The following VPS13B variants were observed in gnomAD, a reference collection of about 807,000 sequenced individuals.
VPS13B encodes intermembrane lipid transfer protein VPS13B.
In VPS13B, 285 loss-of-function variants were observed where a neutral mutation model predicts 426.4. That is an observed-to-expected ratio of 0.67 (90% CI 0.61 to 0.74). The LOEUF (loss-of-function observed/expected upper bound fraction) is 0.74, where lower values mean the gene tolerates loss of function less well. Among genes scored for constraint, VPS13B ranks in the 30% least tolerant of loss-of-function variants. The probability of loss-of-function intolerance (pLI) is 0.00; values close to 1 mark genes in which losing one functional copy is unlikely to be tolerated. For missense variants in VPS13B, 4,537 were observed against 4,782.6 expected (o/e 0.95, Z 1.51); for synonymous variants, 1,676 against 1,676.4 (o/e 1.00, Z 0.01).
chr8:99,660,467 A>T (rs1830179549), intron 34 of VPS13B, among the ~76,000 whole-genome samples: 1 of 152,136 alleles, frequency 6.6e-6, no homozygotes, highest in Admixed American at 6.5e-5. Flanking sequence ...ATCCCTATAA[A>T]ACTGACATTC....
intron 19 of VPS13B, chr8:99,347,162 A>T: frequency 6.6e-6 from 1 of 152,616 alleles, no homozygotes; most frequent in Non-Finnish European, 1.5e-5. Context: ...ACTTGAGCCC[A>T]TGAGCTAGCA....
At chr8:99,838,428 T>C (rs755211871) in intron 54 of VPS13B, among the ~76,000 whole-genome samples, 8 of 152,220 alleles carry the variant, frequency 5.3e-5, no homozygotes, top group Non-Finnish European at 1.0e-4. Flanking sequence ...GAAACCACTT[T>C]TGTCAGAATT....
At chr8:99,180,548 G>A (rs2132692909) in intron 16 of VPS13B, among the ~76,000 whole-genome samples, 1 of 152,252 alleles carries the variant, frequency 6.6e-6, no homozygotes, top group South Asian at 2.1e-4. Context: ...ATGTTTTGGG[G>A]AGTTTATTTG....
chr8:99,219,274 G>T (rs947151062), intron 17 of VPS13B, among the ~76,000 whole-genome samples: 2 of 152,188 alleles, frequency 1.3e-5, no homozygotes, highest in Non-Finnish European at 2.9e-5. Flanking sequence ...CCACTGAATA[G>T]CTGGAGCTAA....
chr8:99,246,450 T>C (rs1264058166), intron 17 of VPS13B, among the ~76,000 whole-genome samples: 2 of 152,206 alleles, frequency 1.3e-5, no homozygotes, highest in African/African-American at 4.8e-5. Flanking sequence ...ATTTGGCTGG[T>C]TAGTTATTAT....
chr8:99,041,878 A>G (rs1364038540), intron 3 of VPS13B, among the ~76,000 whole-genome samples: 3 of 151,858 alleles, frequency 2.0e-5, no homozygotes, highest in Non-Finnish European at 4.4e-5. Context: ...AACTTCTTCA[A>G]CCTAAAGAGA....
intron 35 of VPS13B, among the ~76,000 whole-genome samples, chr8:99,662,309 GTATAGTCTTAGC>G (rs1830261619): frequency 6.6e-6 from 1 of 151,452 alleles, no homozygotes; most frequent in African/African-American, 2.4e-5. Flanking sequence ...CCTCACTTCC[GTATAGTCTTAGC>G]TATTTATTTA....
chr8:99,512,530 T>A (rs537891793), intron 29 of VPS13B, among the ~76,000 whole-genome samples: 1 of 152,324 alleles, frequency 6.6e-6, no homozygotes, highest in East Asian at 1.9e-4. Flanking sequence ...GTTTCAGTTA[T>A]AATAACATTT....
intron 17 of VPS13B, among the ~76,000 whole-genome samples, chr8:99,193,768 T>A (rs1813738599): frequency 6.6e-6 from 1 of 152,198 alleles, no homozygotes; most frequent in African/African-American, 2.4e-5. Context: ...AAGGTTTTAA[T>A]TTCAGACCTG....
At chr8:99,647,728 G>A (rs1829647334) in intron 34 of VPS13B, among the ~76,000 whole-genome samples, 1 of 151,902 alleles carries the variant, frequency 6.6e-6, no homozygotes, top group Non-Finnish European at 1.5e-5. Context: ...TTCAGGCACA[G>A]GGGACCTACA....
chr8:99,486,138 A>G (rs1487551705), intron 25 of VPS13B, among the ~76,000 whole-genome samples: 1 of 152,018 alleles, frequency 6.6e-6, no homozygotes, highest in Non-Finnish European at 1.5e-5. Flanking sequence ...AACCTTGGGC[A>G]GTTTTTAGGT....
intron 30 of VPS13B, among the ~76,000 whole-genome samples, chr8:99,533,454 T>A (rs535163692): frequency 3.9e-5 from 6 of 152,306 alleles, no homozygotes; most frequent in African/African-American, 1.4e-4. Flanking sequence ...CTTGACTAAT[T>A]TTTAAATGGT....
At chr8:99,336,958 T>C (rs1452126626) in intron 19 of VPS13B, among the ~76,000 whole-genome samples, 26 of 150,014 alleles carry the variant, frequency 1.7e-4, no homozygotes, top group Admixed American at 3.3e-4. Context: ...AGTGTGGCGA[T>C]TCCTCAGGGA....
chr8:99,210,751 G>A (rs1418379253), intron 17 of VPS13B, among the ~76,000 whole-genome samples: 12 of 151,936 alleles, frequency 7.9e-5, no homozygotes, highest in African/African-American at 2.9e-4. Context: ...GACCACAAGT[G>A]CCCACCAGCA....
intron 34 of VPS13B, 48 bp from the exon 35 acceptor site, chr8:99,661,306 A>G: frequency 6.8e-6 from 11 of 1,607,554 alleles, no homozygotes; most frequent in Non-Finnish European, 8.5e-6. Context: ...TCAAAATGAG[A>G]TATTTGTGAT....
At chr8:99,344,972 A>ATTTTCAAGT (rs1811458805) in intron 19 of VPS13B, among the ~76,000 whole-genome samples, 2 of 152,178 alleles carry the variant, frequency 1.3e-5, no homozygotes, top group Non-Finnish European at 2.9e-5. Flanking sequence ...TTTAAAAAAT[A>ATTTTCAAGT]TTTTCAAGTT....
At chr8:99,089,481 T>A (rs1846027949) in intron 3 of VPS13B, among the ~76,000 whole-genome samples, 1 of 152,134 alleles carries the variant, frequency 6.6e-6, no homozygotes, top group Admixed American at 6.5e-5. Context: ...CATCAATCAA[T>A]ATATATCAAA....
At chr8:99,491,795 G>A (rs192939215) in intron 25 of VPS13B, among the ~76,000 whole-genome samples, 15 of 152,196 alleles carry the variant, frequency 9.9e-5, no homozygotes, top group African/African-American at 3.1e-4. Flanking sequence ...GCTTCCTTGC[G>A]ATGGGTTCGA....
intron 61 of VPS13B, 62 bp from the exon 62 acceptor site, chr8:99,875,356 A>G: frequency 8.1e-6 from 13 of 1,611,254 alleles, no homozygotes; most frequent in Non-Finnish European, 6.8e-6. Flanking sequence ...CAAAAGAACT[A>G]ATTTTGTTCT....
Sources: allele counts gnomAD v4.1 joint callset (sites outside exome capture counted in the v4.1 genomes callset), GRCh38; gene constraint gnomAD v4.1.1; transcripts MANE v1.5; gene names NCBI Gene and HGNC (gene_info 2026-07-23, HGNC 2026-07-21).